CNPY1: variants seen among roughly 807,000 people sequenced by gnomAD.
CNPY1 encodes protein canopy homolog 1.
Under a neutral mutation model 14.4 loss-of-function variants are expected in CNPY1, and 14 were observed. That is an observed-to-expected ratio of 0.97 (90% CI 0.64 to 1.52). The LOEUF (loss-of-function observed/expected upper bound fraction) is 1.52. Ranked by LOEUF, CNPY1 falls within the 40% of genes most tolerant of loss-of-function variation. The probability of loss-of-function intolerance (pLI) is 0.00; values close to 1 mark genes in which losing one functional copy is unlikely to be tolerated. For missense variants in CNPY1, 129 were observed against 131.5 expected, an observed-to-expected ratio of 0.98 and a Z score of 0.09; for synonymous variants, 43 against 46.5, an observed-to-expected ratio of 0.92 and a Z score of 0.31.
chr7:155,524,048 C>CCAA (rs1283513595), intron 2 of CNPY1, among the ~76,000 whole-genome samples: 1 of 152,192 alleles, frequency 6.6e-6, no homozygotes, highest in Admixed American at 6.5e-5. Context: ...TATGAGCCTG[C>CCAA]CAACACCATG....
chr7:155,544,756 TCC>T (rs1157622766), intron 2 of CNPY1, among the ~76,000 whole-genome samples: 1 of 152,116 alleles, frequency 6.6e-6, no homozygotes, highest in African/African-American at 2.4e-5. Flanking sequence ...CTGCACGGGG[TCC>T]CTCCGGTGGA....
chr7:155,533,266 G>A (rs1306606035), intron 2 of CNPY1, among the ~76,000 whole-genome samples: 2 of 152,188 alleles, frequency 1.3e-5, no homozygotes, highest in Admixed American at 1.3e-4. Flanking sequence ...GGCACCTCTC[G>A]TTCGGGGTCT....
At chr7:155,504,690 AC>A in intron 4 of CNPY1, among the ~76,000 whole-genome samples, 1 of 13,968 alleles carries the variant, frequency 7.2e-5, no homozygotes, top group East Asian at 1.6e-3. Flanking sequence ...ATACCCCCCA[AC>A]ACACACACAC....
intron 2 of CNPY1, among the ~76,000 whole-genome samples, chr7:155,531,177 C>T (rs1312057649): frequency 1.3e-5 from 2 of 152,214 alleles, no homozygotes; most frequent in Non-Finnish European, 2.9e-5. Context: ...GCGTGCCCTG[C>T]GTCCTCAGGC....
At chr7:155,526,401 C>T (rs73496044) in intron 2 of CNPY1, among the ~76,000 whole-genome samples, 1,661 of 152,242 alleles carry the variant, frequency 0.011, 33 homozygotes, top group African/African-American at 0.038. Context: ...TCAAACAAGA[C>T]GGGGTGCCCA....
intron 2 of CNPY1, among the ~76,000 whole-genome samples, chr7:155,532,365 G>A (rs988123686): frequency 1.3e-5 from 2 of 150,824 alleles, no homozygotes; most frequent in Admixed American, 1.3e-4. Context: ...GCTCACGCTT[G>A]TACTCCCAGC....
intron 2 of CNPY1, among the ~76,000 whole-genome samples, chr7:155,511,357 G>A (rs2116695103): frequency 6.6e-6 from 1 of 152,290 alleles, no homozygotes; most frequent in South Asian, 2.1e-4. Context: ...TGAGCTATTT[G>A]CAAAAGTTGC....
intron 2 of CNPY1, among the ~76,000 whole-genome samples, chr7:155,534,656 G>A (rs1045488023): frequency 6.6e-6 from 1 of 152,194 alleles, no homozygotes; most frequent in South Asian, 2.1e-4. Context: ...GCAGGTCCGG[G>A]CAATTCATAG....
intron 2 of CNPY1, among the ~76,000 whole-genome samples, chr7:155,513,391 C>T (rs763704874): frequency 3.3e-5 from 5 of 152,060 alleles, no homozygotes; most frequent in Non-Finnish European, 4.4e-5. Context: ...TATTTAAACA[C>T]GTGAATTTGT....
At chr7:155,509,220 C>A (rs747843836) in intron 2 of CNPY1, 123 bp from the exon 3 acceptor site, 13 of 570,518 alleles carry the variant, frequency 2.3e-5, no homozygotes, top group Non-Finnish European at 3.9e-5. Context: ...ACTTCCCTAG[C>A]ACGGGCCCAG....
chr7:155,531,333 G>A (rs527540250), intron 2 of CNPY1, among the ~76,000 whole-genome samples: 7 of 152,318 alleles, frequency 4.6e-5, no homozygotes, highest in African/African-American at 9.6e-5. Context: ...ATTGCCTTCC[G>A]TGCTAAATGT....
In CNPY1 at chr7:155,521,054, AGAAGGAAGGAAGGAAG is replaced by A. The variant is rs58757238; in HGVS notation, c.100-11973_100-11958del. 2.0e-5 allele frequency among the ~76,000 whole-genome samples: 3 copies of A among 148,566 alleles called. No homozygotes were observed. The East Asian group carries it at 6.0e-4, about 30-fold the overall frequency. ...AGGCATGAGAATGAAAAAAAAAGAA[AGAAGGAAGGAAGGAAG>A]GAAGGAAGCAAGGAAGGAAGGAAGG... On this transcript the variant is annotated intron_variant, in intron 2 of 4. Coordinates refer to ENST00000636446, the MANE Select transcript of CNPY1 (RefSeq NM_001393663.1).
rs964687940 is a variant in CNPY1, at chr7:155,543,006, G to A, written c.99+2825C>T. Among the ~76,000 whole-genome samples, 12 of 152,020 alleles carry A rather than the reference G, an allele frequency of 7.9e-5. 1 individual carries two copies. Among genetic ancestry groups the A allele is most frequent in the Non-Finnish European group, 1.3e-4 (9 of 67,972 alleles). ...CCACTCACTCGCTTTGCTTCTTCCCGTGGCTCCCCTTAGGAACTCGGATTC... is the reference window on the plus strand; with the variant it reads ...CCACTCACTCGCTTTGCTTCTTCCCATGGCTCCCCTTAGGAACTCGGATTC... On this transcript the variant is annotated intron_variant, in intron 2 of 4. Transcript: ENST00000636446.
At chr7:155,514,720 C>A (rs557077044) in intron 2 of CNPY1, among the ~76,000 whole-genome samples, 1 of 152,118 alleles carries the variant, frequency 6.6e-6, no homozygotes, top group Non-Finnish European at 1.5e-5. Flanking sequence ...CATGGAGAGA[C>A]CCGGTCTCTA....
intron 2 of CNPY1, among the ~76,000 whole-genome samples, chr7:155,521,224 G>T (rs1796718147): frequency 6.6e-6 from 1 of 152,266 alleles, no homozygotes. Flanking sequence ...TCGCCGATGG[G>T]GCTCTGTGAT....
At chr7:155,521,428 C>CCTTG (rs1236642886) in intron 2 of CNPY1, among the ~76,000 whole-genome samples, 1 of 152,186 alleles carries the variant, frequency 6.6e-6, no homozygotes, top group Non-Finnish European at 1.5e-5. Context: ...GCTAAGATCC[C>CCTTG]CTTGCTTGCT....
rs1187641180 is a variant in CNPY1, at chr7:155,502,682, T to A, written c.*386A>T. 2 of 176,414 alleles carry A rather than the reference T, an allele frequency of 1.1e-5. No homozygotes were observed. Among genetic ancestry groups the A allele is most frequent in the African/African-American group, 4.7e-5 (2 of 42,322 alleles). The allele number at this position is 176,414 out of a possible 1,614,324, so 10.9% of individuals were successfully genotyped here. ...TTTGAGGATTCAAATCCAGTTCTTA[T>A]CAGACAGCCACTGCGCTTGCATATG... On this transcript the variant is annotated 3_prime_UTR_variant, in exon 5 of 5. Transcript: ENST00000636446.
chr7:155,517,626 A>G (rs1361885814), intron 2 of CNPY1, among the ~76,000 whole-genome samples: 8 of 152,178 alleles, frequency 5.3e-5, no homozygotes. Context: ...GCAGGGCTGC[A>G]CCTGCACATG....
At chr7:155,524,260 C>G (rs1264153159) in intron 2 of CNPY1, among the ~76,000 whole-genome samples, 2 of 152,220 alleles carry the variant, frequency 1.3e-5, no homozygotes, top group Non-Finnish European at 2.9e-5. Flanking sequence ...GCGAGCCACA[C>G]CTGCCAAAGT....
Sources: gnomAD v4.1 joint callset for allele counts (sites outside exome capture counted in the v4.1 genomes callset) on GRCh38, gnomAD v4.1.1 for gene constraint, MANE v1.5 for transcripts, NCBI Gene and HGNC (gene_info 2026-07-23, HGNC 2026-07-21) for gene names.